Variants in LMLN observed in about 807,000 individuals in gnomAD.
LMLN encodes the protein leishmanolysin like peptidase, also known as leishmanolysin-like peptidase.
Under a neutral mutation model 92.3 loss-of-function variants are expected in LMLN, and 70 were observed. That is an observed-to-expected ratio of 0.76 (90% CI 0.63 to 0.92). The LOEUF (loss-of-function observed/expected upper bound fraction) is 0.92. Among genes scored for constraint, LMLN ranks in the 40% least tolerant of loss-of-function variants. The pLI, the probability that LMLN is intolerant of heterozygous loss-of-function variation, is 0.00. For synonymous variants in LMLN, 308 were observed against 296.2 expected (o/e 1.04, Z -0.41); for missense variants, 691 against 814.6 (o/e 0.85, Z 1.85).
At chr3:198,009,080 T>A (rs753422136) in intron 11 of LMLN, among the ~76,000 whole-genome samples, 3 of 152,184 alleles carry the variant, frequency 2.0e-5, no homozygotes, top group Non-Finnish European at 4.4e-5. Context: ...GAATGCACCA[T>A]GTAAGCTTGA....
At chr3:198,040,931 G>A (rs1359331845) in exon 16 of LMLN, 1 of 142,108 alleles carries the variant, frequency 7.0e-6, no homozygotes. Flanking sequence ...ACAACCCTCG[G>A]ACAGACTCCT....
chr3:197,974,891 T>G (rs1185288367), intron 2 of LMLN, 151 bp from the exon 3 acceptor site: 1 of 627,674 alleles, frequency 1.6e-6, no homozygotes, highest in Admixed American at 3.0e-5. Flanking sequence ...GAAAGCAAGG[T>G]TATTAGAAAA....
chr3:197,967,437 G>A (rs540597161), intron 1 of LMLN, among the ~76,000 whole-genome samples: 4 of 152,346 alleles, frequency 2.6e-5, no homozygotes, highest in South Asian at 4.1e-4. Flanking sequence ...TTTAAAAGGG[G>A]AGGGGGTGTA....
chr3:197,960,411 T>G, exon 1 of LMLN: 1 of 1,613,890 alleles, frequency 6.2e-7, no homozygotes, highest in Non-Finnish European at 8.5e-7. Context: ...TTCCCCTCCC[T>G]GCCGGCACCA....
intron 6 of LMLN, among the ~76,000 whole-genome samples, chr3:197,983,180 TATAA>T (rs1177105583): frequency 1.3e-5 from 2 of 152,264 alleles, no homozygotes; most frequent in African/African-American, 4.8e-5. Context: ...AAATGTACTT[TATAA>T]ATAGTCAGTT....
intron 13 of LMLN, 35 bp downstream of exon 14, chr3:198,021,640 T>G: frequency 6.4e-7 from 1 of 1,563,696 alleles, no homozygotes; most frequent in Non-Finnish European, 8.8e-7. Context: ...ATTATATACA[T>G]ATTAAAATTA....
chr3:197,977,409 T>C (rs1721416516), intron 5 of LMLN, among the ~76,000 whole-genome samples: 1 of 151,762 alleles, frequency 6.6e-6, no homozygotes, highest in African/African-American at 2.4e-5. Flanking sequence ...TCAAACAATC[T>C]GGAAGTACAC....
chr3:198,013,948 C>T (rs370058860), intron 11 of LMLN, among the ~76,000 whole-genome samples: 1,252 of 41,182 alleles, frequency 0.03, no homozygotes, highest in Middle Eastern at 0.11. Context: ...CTCTCCACCC[C>T]TCAGAGCCCC....
chr3:197,982,208 A>C (rs1012344535), intron 6 of LMLN, among the ~76,000 whole-genome samples: 41 of 151,552 alleles, frequency 2.7e-4, no homozygotes, highest in African/African-American at 9.2e-4. Context: ...TGTTAAAAGA[A>C]AAAGCAGTTA....
intron 11 of LMLN, chr3:197,999,684 T>C (rs983919039): frequency 4.9e-6 from 1 of 202,920 alleles, no homozygotes; most frequent in African/African-American, 2.3e-5. Context: ...CGTGCCACCA[T>C]GCCTGGCTAA....
At chr3:197,966,843 G>A (rs1721074135) in intron 1 of LMLN, among the ~76,000 whole-genome samples, 1 of 152,158 alleles carries the variant, frequency 6.6e-6, no homozygotes, top group Non-Finnish European at 1.5e-5. Context: ...CCAGGCTGGA[G>A]TATAGTGGCA....
intron 12 of LMLN, among the ~76,000 whole-genome samples, chr3:198,020,194 C>G (rs1722741711): frequency 1.3e-5 from 2 of 152,116 alleles, no homozygotes. Flanking sequence ...CAGGGCTTCA[C>G]CATGTTGGCC....
intron 11 of LMLN, among the ~76,000 whole-genome samples, chr3:198,017,375 A>G (rs918815688): frequency 6.6e-5 from 10 of 152,176 alleles, no homozygotes; most frequent in Non-Finnish European, 1.5e-4. Flanking sequence ...TTGTTGGGAA[A>G]CCAGGGTGAG....
At chr3:197,970,181 TAAAAA>T (rs916165470) in intron 1 of LMLN, among the ~76,000 whole-genome samples, 2 of 151,730 alleles carry the variant, frequency 1.3e-5, no homozygotes, top group Non-Finnish European at 2.9e-5. Context: ...ATAAAATAAA[TAAAAA>T]AAATAAACTT....
exon 16 of LMLN, chr3:198,040,100 T>G (rs2109965748): frequency 6.6e-6 from 1 of 152,356 alleles, no homozygotes; most frequent in Middle Eastern, 3.4e-3. Context: ...TAAAATGGGT[T>G]AAGAAATTGT....
At chr3:197,967,965 C>T (rs35755451) in intron 1 of LMLN, among the ~76,000 whole-genome samples, 41 of 152,340 alleles carry the variant, frequency 2.7e-4, no homozygotes, top group Non-Finnish European at 5.9e-4. Context: ...TAGGCAGTCA[C>T]ACCTTATGGT....
chr3:197,973,244 ATT>A (rs11434027), intron 1 of LMLN, among the ~76,000 whole-genome samples: 3 of 142,448 alleles, frequency 2.1e-5, no homozygotes. Context: ...GACATTTCTG[ATT>A]TTTTTTTTTT....
At chr3:198,016,585 C>T (rs919855229) in intron 11 of LMLN, among the ~76,000 whole-genome samples, 9 of 152,192 alleles carry the variant, frequency 5.9e-5, no homozygotes, top group African/African-American at 1.7e-4. Context: ...AACCACTGTT[C>T]CGGTGTGTCA....
intron 3 of LMLN, among the ~76,000 whole-genome samples, chr3:197,975,468 GACAC>G (rs1251158495): frequency 1.3e-5 from 2 of 152,132 alleles, no homozygotes. Context: ...ACTGTGTGGA[GACAC>G]ACACACATGC....
Sources: gnomAD v4.1 joint callset for allele counts (sites outside exome capture counted in the v4.1 genomes callset) on GRCh38, gnomAD v4.1.1 for gene constraint, MANE v1.5 for transcripts, NCBI Gene and HGNC (gene_info 2026-07-23, HGNC 2026-07-21) for gene names.